GPR39: variants seen among roughly 807,000 people sequenced by gnomAD.
GPR39 encodes zinc sensing receptor.
In GPR39, 23 loss-of-function variants were observed where a neutral mutation model predicts 18.4. The ratio of observed to expected loss-of-function variants is 1.25; its 90% CI spans 0.90 to 1.77. The LOEUF is 1.77. GPR39 is among the 40% of genes most tolerant of loss of function. The probability of loss-of-function intolerance (pLI) is 0.00; values close to 1 mark genes in which losing one functional copy is unlikely to be tolerated. For synonymous variants in GPR39, 280 were observed against 257.9 expected (o/e 1.09, Z -0.82); for missense variants, 647 against 602.4 (o/e 1.07, Z -0.78).
At chr2:132,526,273 A>G (rs111357389) in intron 1 of GPR39, among the ~76,000 whole-genome samples, 61 of 152,276 alleles carry the variant, frequency 4.0e-4, no homozygotes, top group African/African-American at 1.4e-3. Context: ...TTGAATTCCT[A>G]CAGATATTTG....
chr2:132,598,431 C>CTTTT lies in GPR39; in HGVS notation c.857-46652_857-46649dup, dbSNP rs34104835. On this transcript the variant is annotated intron_variant, in intron 1 of 1. Transcript: ENST00000329321. ...TCTGATTTGGCTGGTCTAAGGTGAA[C>CTTTT]TTTTTTTTTTTTTTTTTTTTTAAGC... Among the ~76,000 whole-genome samples, 10 of 90,454 alleles carry CTTTT rather than the reference C, an allele frequency of 1.1e-4. 1 individual carries two copies. The highest frequency in any genetic ancestry group is 3.1e-4 in the African/African-American group (7 of 22,260). The allele number at this position is 90,454 out of a possible 152,430, so 59.3% of individuals were successfully genotyped here. A position where few individuals can be genotyped will look rare whatever the true frequency, so the allele number is the denominator to read the frequency against.
In GPR39 at chr2:132,417,618, C is replaced by T; in HGVS notation, c.576C>T (p.Asn192=). ...CCAGCCACCGGGGTCTCACTTGCAA[C>T]CGCTCCAGCACCCGCCACCACGAGC... ...NVPSHRGLTC[N]RSSTRHHEQP... The change falls in exon 1 of 2, where the codon AAC becomes AAT. Residue 192 remains asparagine, a synonymous_variant. Transcript: ENST00000329321. 2.5e-6 allele frequency: 4 copies of T among 1,614,142 alleles called. No individual in the cohort carries two copies. The highest frequency in any genetic ancestry group is 3.4e-6 in the Non-Finnish European group (4 of 1,180,016).
At position 132,645,963 on chromosome 2, in the gene GPR39, G is replaced by A. The variant is rs1682046709; in HGVS notation, c.*357G>A. On this transcript the variant is annotated 3_prime_UTR_variant, in exon 2 of 2. Coordinates refer to ENST00000329321, the MANE Select transcript of GPR39 (RefSeq NM_001508.3). Reference sequence around the variant, plus strand: ...CCTACCCAGAATAAAAGGACACCCAGAAGAAACTCACTCAGGGAGGTGGGG... The same window carrying A: ...CCTACCCAGAATAAAAGGACACCCAAAAGAAACTCACTCAGGGAGGTGGGG... The A allele has an allele frequency of 9.3e-7, 1 of 1,075,568 alleles. No individual in the cohort carries two copies. Among genetic ancestry groups the A allele is most frequent in the East Asian group, 2.6e-5 (1 of 39,210 alleles). 66.6% of individuals were successfully genotyped at this position (1,075,568 alleles called of 1,614,324 possible).
intron 1 of GPR39, among the ~76,000 whole-genome samples, chr2:132,617,088 C>T (rs900790696): frequency 6.6e-6 from 1 of 152,200 alleles, no homozygotes; most frequent in Non-Finnish European, 1.5e-5. Context: ...TTGGGTCTTC[C>T]AGTGCACACA....
Position 132,514,624 on chromosome 2 carries a change from C to G in GPR39, c.856+96726C>G, listed in dbSNP as rs1367558594. Among the ~76,000 whole-genome samples the G allele has an allele frequency of 2.0e-5, 3 of 152,338 alleles. No homozygotes were observed. The East Asian group carries it at 5.8e-4, about 29-fold the overall frequency. On this transcript the variant is annotated intron_variant, in intron 1 of 1. Transcript: ENST00000329321. ...TTTGCAGGCTCCTTGCAGGATGTGC[C>G]TCTGCCCTGCAACAGCTCTGCTTAG...
Position 132,416,953 on chromosome 2 carries a change from T to G in GPR39, c.-90T>G. On this transcript the variant is annotated 5_prime_UTR_variant, in exon 1 of 2. Transcript: ENST00000329321. ...AGATAAAATCGTGCGCCCACGCAGG[T>G]GAGTTTGCAGCCAAGAATTTTGGAC... The G allele has an allele frequency of 1.3e-5, 19 of 1,480,052 alleles. No homozygotes were observed. The highest frequency in any genetic ancestry group is 1.6e-5 in the Non-Finnish European group (18 of 1,092,978). The allele number at this position is 1,480,052 out of a possible 1,614,324, so 91.7% of individuals were successfully genotyped here. A position where few individuals can be genotyped will look rare whatever the true frequency, so the allele number is the denominator to read the frequency against.
intron 1 of GPR39, among the ~76,000 whole-genome samples, chr2:132,539,274 C>G (rs772873297): frequency 6.6e-6 from 1 of 152,134 alleles, no homozygotes; most frequent in African/African-American, 2.4e-5. Context: ...CAGTCTCTCA[C>G]GGCTTCCCTT....
chr2:132,519,988 G>A (rs1201759784), intron 1 of GPR39, among the ~76,000 whole-genome samples: 1 of 152,132 alleles, frequency 6.6e-6, no homozygotes, highest in Non-Finnish European at 1.5e-5. Flanking sequence ...TTGGATTAGA[G>A]ACCATGCATT....
chr2:132,512,310 AG>A (rs1679255331), intron 1 of GPR39, among the ~76,000 whole-genome samples: 1 of 152,190 alleles, frequency 6.6e-6, no homozygotes, highest in Non-Finnish European at 1.5e-5. Context: ...ACACCTCCCC[AG>A]GTCAGTCATG....
chr2:132,631,161 C>A (rs896601163), intron 1 of GPR39, among the ~76,000 whole-genome samples: 1 of 152,158 alleles, frequency 6.6e-6, no homozygotes, highest in Non-Finnish European at 1.5e-5. Flanking sequence ...TGGCGATTAT[C>A]AAGTGAGATA....
intron 1 of GPR39, among the ~76,000 whole-genome samples, chr2:132,452,274 T>C (rs954451411): frequency 9.9e-5 from 15 of 152,238 alleles, no homozygotes; most frequent in Non-Finnish European, 7.3e-5. Context: ...ACTCTGTGAC[T>C]TTCAAGATGT....
intron 1 of GPR39, among the ~76,000 whole-genome samples, chr2:132,567,007 GA>G (rs1339636733): frequency 6.6e-6 from 1 of 152,160 alleles, no homozygotes; most frequent in Non-Finnish European, 1.5e-5. Flanking sequence ...AATTCATGTT[GA>G]AACTTAATCC....
intron 1 of GPR39, among the ~76,000 whole-genome samples, chr2:132,574,080 C>G (rs765673877): frequency 1.3e-5 from 2 of 152,168 alleles, no homozygotes; most frequent in Non-Finnish European, 2.9e-5. Context: ...TCAAAATCAT[C>G]ATAAATGTCT....
chr2:132,624,889 C>G (rs1169054909), intron 1 of GPR39, among the ~76,000 whole-genome samples: 2 of 152,124 alleles, frequency 1.3e-5, no homozygotes, highest in Non-Finnish European at 2.9e-5. Context: ...CCTGAAGATC[C>G]TAGTGCATGT....
intron 1 of GPR39, among the ~76,000 whole-genome samples, chr2:132,546,295 A>C (rs945980429): frequency 6.6e-6 from 1 of 152,200 alleles, no homozygotes; most frequent in Non-Finnish European, 1.5e-5. Context: ...ACAAGCCCCC[A>C]GTGAATTTTA....
At chr2:132,454,881 G>T (rs1680692287) in intron 1 of GPR39, among the ~76,000 whole-genome samples, 1 of 152,140 alleles carries the variant, frequency 6.6e-6, no homozygotes, top group Non-Finnish European at 1.5e-5. Flanking sequence ...GATTTGGTTT[G>T]CCAGTATTAT....
chr2:132,589,683 C>T (rs1341018460), intron 1 of GPR39, among the ~76,000 whole-genome samples: 1 of 152,176 alleles, frequency 6.6e-6, no homozygotes, highest in Non-Finnish European at 1.5e-5. Flanking sequence ...TTCCTGAAAG[C>T]CTATTTGGTT....
chr2:132,642,084 A>G (rs1026991756), intron 1 of GPR39, among the ~76,000 whole-genome samples: 3 of 152,244 alleles, frequency 2.0e-5, no homozygotes, highest in Non-Finnish European at 4.4e-5. Flanking sequence ...TGCATGGGAA[A>G]TTAGCAGAGT....
At chr2:132,585,772 G>T (rs1380899871) in intron 1 of GPR39, among the ~76,000 whole-genome samples, 1 of 151,930 alleles carries the variant, frequency 6.6e-6, no homozygotes, top group Non-Finnish European at 1.5e-5. Context: ...CCCTCCTGCC[G>T]CTTCAGATTT....
Sources: allele counts gnomAD v4.1 joint callset (sites outside exome capture counted in the v4.1 genomes callset), GRCh38; gene constraint gnomAD v4.1.1; transcripts MANE v1.5; gene names NCBI Gene and HGNC (gene_info 2026-07-23, HGNC 2026-07-21).